Variants in SCAI observed in about 807,000 individuals in gnomAD.
SCAI encodes the protein protein SCAI.
SCAI carries 24 observed loss-of-function variants against 92.2 expected under a neutral mutation model. The ratio of observed to expected loss-of-function variants is 0.26; its 90% CI spans 0.19 to 0.37. SCAI has a LOEUF of 0.37. Among genes scored for constraint, SCAI ranks in the 10% least tolerant of loss-of-function variants. SCAI has a pLI of 1.00. For missense variants in SCAI, 450 were observed against 736.2 expected, an observed-to-expected ratio of 0.61 and a Z score of 4.50; for synonymous variants, 261 against 258.6, an observed-to-expected ratio of 1.01 and a Z score of -0.09.
At chr9:125,063,854 A>C (rs1026370150) in intron 2 of SCAI, among the ~76,000 whole-genome samples, 5 of 151,978 alleles carry the variant, frequency 3.3e-5, no homozygotes, top group Admixed American at 2.6e-4. Flanking sequence ...CCCAGGTTCA[A>C]GTGATTTTCC....
chr9:125,082,444 CCACA>C (rs1328305306), intron 2 of SCAI, among the ~76,000 whole-genome samples: 1 of 152,196 alleles, frequency 6.6e-6, no homozygotes, highest in East Asian at 1.9e-4. Context: ...GTTGGAATCC[CCACA>C]CAGAGTCCCT....
chr9:125,031,629 T>C (rs980507130), intron 3 of SCAI, among the ~76,000 whole-genome samples: 2 of 152,170 alleles, frequency 1.3e-5, no homozygotes, highest in African/African-American at 4.8e-5. Flanking sequence ...ATTTGGGGAA[T>C]TCGTATTTTT....
At position 124,972,776 on chromosome 9, in the gene SCAI, C is replaced by A. The variant is rs188710403; in HGVS notation, c.1400-932G>T. 3.3e-5 allele frequency among the ~76,000 whole-genome samples: 5 copies of A among 152,296 alleles called. No homozygotes were observed. In the East Asian group the frequency reaches 5.8e-4, roughly 18 times the overall value. Reference sequence around the variant, plus strand: ...GAAGTCTATTCCTGCCTTCCCTCCCCACACCTAGTCCATCACAAAGTCCTG... The same window carrying A: ...GAAGTCTATTCCTGCCTTCCCTCCCAACACCTAGTCCATCACAAAGTCCTG... On this transcript the variant is annotated intron_variant, in intron 15 of 17. Transcript: ENST00000336505.
At chr9:125,107,470 G>C (rs904419466) in intron 2 of SCAI, among the ~76,000 whole-genome samples, 1 of 151,864 alleles carries the variant, frequency 6.6e-6, no homozygotes, top group Non-Finnish European at 1.5e-5. Flanking sequence ...GAACCTCCAA[G>C]GTTTAAGAAC....
chr9:125,117,835 A>G (rs1039803188), intron 2 of SCAI, among the ~76,000 whole-genome samples: 1 of 152,162 alleles, frequency 6.6e-6, no homozygotes, highest in African/African-American at 2.4e-5. Context: ...GTCACTAGTC[A>G]GTAATAGCAA....
chr9:124,950,534 G>A lies in SCAI; in HGVS notation c.*2273C>T, dbSNP rs1831218212. The A allele has an allele frequency of 6.6e-6, 1 of 152,100 alleles. No individual in the cohort carries two copies. Among genetic ancestry groups the A allele is most frequent in the African/African-American group, 2.4e-5 (1 of 41,390 alleles). 9.4% of individuals were successfully genotyped at this position (152,100 alleles called of 1,614,324 possible). Reference sequence around the variant, plus strand: ...GAGCATAACTGGCACAGGACTTAAGGGGAATTGAAACAAGAGGTCAGAAAA... The same window carrying A: ...GAGCATAACTGGCACAGGACTTAAGAGGAATTGAAACAAGAGGTCAGAAAA... On this transcript the variant is annotated 3_prime_UTR_variant, in exon 18 of 18. Transcript: ENST00000336505.
chr9:124,971,335 G>T, intron 17 of SCAI, 35 bp downstream of exon 17: 1 of 1,219,998 alleles, frequency 8.2e-7, no homozygotes, highest in Non-Finnish European at 1.2e-6. Flanking sequence ...TACCTAAAAT[G>T]ATAAAATTCG....
chr9:125,097,474 A>T (rs1358850774), intron 2 of SCAI, among the ~76,000 whole-genome samples: 2 of 152,166 alleles, frequency 1.3e-5, no homozygotes, highest in Non-Finnish European at 2.9e-5. Context: ...AAATAAATTA[A>T]ATCATTCTTT....
At chr9:125,016,536 T>C (rs908597293) in intron 9 of SCAI, among the ~76,000 whole-genome samples, 3 of 152,000 alleles carry the variant, frequency 2.0e-5, no homozygotes, top group Admixed American at 2.0e-4. Flanking sequence ...CTACAATATA[T>C]CGAGGCCTAT....
intron 14 of SCAI, among the ~76,000 whole-genome samples, chr9:124,991,561 G>A (rs995830775): frequency 1.3e-5 from 2 of 150,878 alleles, no homozygotes; most frequent in African/African-American, 2.4e-5. Context: ...CTTGCAGGTC[G>A]GGCATGGTGG....
At chr9:125,008,220 T>C (rs892006669) in intron 9 of SCAI, among the ~76,000 whole-genome samples, 3 of 151,798 alleles carry the variant, frequency 2.0e-5, no homozygotes, top group Non-Finnish European at 4.4e-5. Context: ...ATTTGTCTCA[T>C]TGCAACCTCT....
intron 15 of SCAI, among the ~76,000 whole-genome samples, chr9:124,972,734 T>A (rs1230593489): frequency 6.6e-6 from 1 of 152,214 alleles, no homozygotes; most frequent in Non-Finnish European, 1.5e-5. Flanking sequence ...TCTACCAGCA[T>A]CTCAGCCAGA....
chr9:125,093,835 A>G (rs1834492292), intron 2 of SCAI, among the ~76,000 whole-genome samples: 1 of 152,044 alleles, frequency 6.6e-6, no homozygotes, highest in Non-Finnish European at 1.5e-5. Flanking sequence ...AAGTGCTGGG[A>G]TTACAGGCGT....
intron 2 of SCAI, among the ~76,000 whole-genome samples, chr9:125,079,033 A>G (rs1834153209): frequency 6.6e-6 from 1 of 151,988 alleles, no homozygotes; most frequent in Admixed American, 6.6e-5. Context: ...ATATTCATCT[A>G]TTTTGATAAT....
intron 3 of SCAI, among the ~76,000 whole-genome samples, chr9:125,051,124 G>A (rs1190848607): frequency 1.3e-5 from 2 of 152,158 alleles, no homozygotes; most frequent in African/African-American, 2.4e-5. Context: ...CCAGCTTCAA[G>A]CGATTCTCCT....
chr9:125,130,793 A>G (rs1835383659), intron 2 of SCAI, among the ~76,000 whole-genome samples: 1 of 151,796 alleles, frequency 6.6e-6, no homozygotes, highest in African/African-American at 2.4e-5. Context: ...AAGACTGGAA[A>G]ACTCTTAATA....
chr9:125,125,218 C>T (rs1835235759), intron 2 of SCAI, among the ~76,000 whole-genome samples: 1 of 151,534 alleles, frequency 6.6e-6, no homozygotes, highest in Admixed American at 6.6e-5. Flanking sequence ...GAAACTCTGT[C>T]TTAAAAAAAA....
At position 125,050,117 on chromosome 9, in the gene SCAI, T is replaced by C. The variant is rs549186844; in HGVS notation, c.230+5759A>G. ...CAAGCACTAACAGTGAAAAAAATGCTAGAGGGAAAGGGCTTAATATTAAAA... is the reference window on the plus strand; with the variant it reads ...CAAGCACTAACAGTGAAAAAAATGCCAGAGGGAAAGGGCTTAATATTAAAA... On this transcript the variant is annotated intron_variant, in intron 3 of 17. Coordinates refer to ENST00000336505, the MANE Select transcript of SCAI (RefSeq NM_001144877.3). Among the ~76,000 whole-genome samples the C allele has an allele frequency of 6.6e-5, 10 of 150,558 alleles. 1 individual carries two copies. The highest frequency in any genetic ancestry group is 2.4e-4 in the African/African-American group (10 of 41,074).
intron 2 of SCAI, among the ~76,000 whole-genome samples, chr9:125,124,706 T>C (rs554324473): frequency 3.3e-5 from 5 of 152,332 alleles, no homozygotes; most frequent in African/African-American, 1.2e-4. Context: ...AAGATAATGT[T>C]TGACCAAATG....
Sources: allele counts gnomAD v4.1 joint callset (sites outside exome capture counted in the v4.1 genomes callset), GRCh38; gene constraint gnomAD v4.1.1; transcripts MANE v1.5; gene names NCBI Gene and HGNC (gene_info 2026-07-23, HGNC 2026-07-21).